Variants in NCR1 observed in about 807,000 individuals in gnomAD.
NCR1 encodes natural cytotoxicity triggering receptor 1, also known as NK cell-activating receptor.
In NCR1, 30 loss-of-function variants were observed where a neutral mutation model predicts 32.5. The ratio of observed to expected loss-of-function variants is 0.92; its 90% CI spans 0.69 to 1.25. The LOEUF (loss-of-function observed/expected upper bound fraction) is 1.25. Among genes scored for constraint, NCR1 ranks in the 50% most tolerant of loss-of-function variants. NCR1 has a pLI of 0.00. For missense variants in NCR1, 369 were observed against 380.7 expected (o/e 0.97, Z 0.26); for synonymous variants, 169 against 143.4 (o/e 1.18, Z -1.28).
chr19:54,934,681 T>A, the NCR1 span: 1 of 1,604,482 alleles, frequency 6.2e-7, no homozygotes, highest in Non-Finnish European at 8.5e-7. The surrounding 1 kb of genome is among the most constrained non-coding windows in gnomAD (Gnocchi z 6.7). Context: ...GTGGGAAAAG[T>A]CATTCTTCTG....
downstream of NCR1, among the ~76,000 whole-genome samples, chr19:54,919,244 G>C (rs687182): frequency 0.23 from 35,227 of 151,508 alleles, 4,114 homozygotes; most frequent in Non-Finnish European, 0.25. Context: ...AAGGCAGCTG[G>C]GCCCGGGGGA....
At chr19:54,917,008 C>T (rs1455202828), downstream of NCR1, among the ~76,000 whole-genome samples, 2 of 152,036 alleles carry the variant, frequency 1.3e-5, no homozygotes, top group Non-Finnish European at 2.9e-5. Flanking sequence ...AATGAGCTTC[C>T]TTCCTGGAAC....
the NCR1 span, chr19:54,936,129 C>T: frequency 2.5e-6 from 2 of 791,086 alleles, no homozygotes; most frequent in Non-Finnish European, 4.3e-6. Flanking sequence ...GACTCCCCCA[C>T]ACAGGCCTGT....
the NCR1 span, chr19:54,934,346 C>G: frequency 1.2e-6 from 1 of 839,762 alleles, no homozygotes; most frequent in Non-Finnish European, 2.1e-6. This position sits in a 1 kb window ranked among gnomAD's most constrained non-coding sequence, Gnocchi z 6.7. Flanking sequence ...AGATTACAGG[C>G]AGGAGCCACC....
the NCR1 span, among the ~76,000 whole-genome samples, chr19:54,933,230 C>T: frequency 2.0e-5 from 3 of 152,100 alleles, no homozygotes; most frequent in Non-Finnish European, 2.9e-5. Context: ...ACTGCAACCT[C>T]CGCCTTCCAG....
At chr19:54,917,048 T>G (rs148534010), downstream of NCR1, among the ~76,000 whole-genome samples, 11 of 152,068 alleles carry the variant, frequency 7.2e-5, no homozygotes, top group African/African-American at 2.6e-4. Context: ...CCCTTCTCAT[T>G]ATTGCTCCCC....
chr19:54,932,157 G>A, the NCR1 span, among the ~76,000 whole-genome samples: 2 of 152,274 alleles, frequency 1.3e-5, no homozygotes, highest in East Asian at 1.9e-4. Context: ...GCCAGGCACA[G>A]TGGCTCATGC....
the NCR1 span, among the ~76,000 whole-genome samples, chr19:54,926,073 A>T: frequency 1.3e-5 from 2 of 151,400 alleles, no homozygotes; most frequent in African/African-American, 2.4e-5. Context: ...AAAAAAAAAT[A>T]AAAAATACAA....
chr19:54,923,528 C>T, the NCR1 span: 2 of 623,476 alleles, frequency 3.2e-6, no homozygotes, highest in Non-Finnish European at 2.8e-6. Context: ...AGTGCTCTAA[C>T]TTTATTATCC....
chr19:54,898,761 G>A, the NCR1 span, among the ~76,000 whole-genome samples: 1 of 152,112 alleles, frequency 6.6e-6, no homozygotes, highest in African/African-American at 2.4e-5. Flanking sequence ...ATCTGATTTG[G>A]GAGAGGTCAG....
At chr19:54,903,470 A>G (rs587635221), upstream of NCR1, among the ~76,000 whole-genome samples, 7 of 133,044 alleles carry the variant, frequency 5.3e-5, no homozygotes, top group South Asian at 4.9e-4. Flanking sequence ...GTATGTATAC[A>G]CGGATACATG....
the NCR1 span, chr19:54,933,718 TGTAAGACGACA>T: frequency 5.6e-6 from 9 of 1,614,214 alleles, no homozygotes; most frequent in Non-Finnish European, 7.6e-6. Flanking sequence ...AACTGGCTTC[TGTAAGACGACA>T]GTTTTCCAAC....
At chr19:54,935,560 G>A in the NCR1 span, among the ~76,000 whole-genome samples, 3 of 148,882 alleles carry the variant, frequency 2.0e-5, no homozygotes, top group Admixed American at 6.7e-5. Context: ...GCCAGGCGTG[G>A]TGGTGCACGC....
chr19:54,924,658 GT>G, the NCR1 span, among the ~76,000 whole-genome samples: 1 of 151,624 alleles, frequency 6.6e-6, no homozygotes, highest in Non-Finnish European at 1.5e-5. Context: ...AATCAGGCTG[GT>G]GCACGGTGAC....
chr19:54,898,400 G>A, the NCR1 span, among the ~76,000 whole-genome samples: 2 of 152,184 alleles, frequency 1.3e-5, no homozygotes, highest in Admixed American at 6.5e-5. Context: ...CGGTTCAGGC[G>A]TTTGGAGTTC....
chr19:54,920,169 C>G (rs2068220281), downstream of NCR1, among the ~76,000 whole-genome samples: 1 of 152,198 alleles, frequency 6.6e-6, no homozygotes, highest in South Asian at 2.1e-4. Context: ...CCACAATCCA[C>G]TCATTATTCA....
At chr19:54,930,474 AAAG>A in the NCR1 span, 3 of 1,545,452 alleles carry the variant, frequency 1.9e-6, no homozygotes, top group Non-Finnish European at 2.7e-6. Flanking sequence ...AAAAAGAAAG[AAAG>A]AAGAAAAAGA....
At chr19:54,928,797 A>G in the NCR1 span, among the ~76,000 whole-genome samples, 1 of 117,472 alleles carries the variant, frequency 8.5e-6, no homozygotes, top group African/African-American at 3.1e-5. Context: ...GCCACTGTAG[A>G]AGCCTTTGGT....
chr19:54,926,039 G>A, the NCR1 span, among the ~76,000 whole-genome samples: 20 of 149,652 alleles, frequency 1.3e-4, no homozygotes, highest in African/African-American at 2.2e-4. Context: ...GACAGACTCC[G>A]TCTCAAAAAA....
Sources: allele counts gnomAD v4.1 joint callset (sites outside exome capture counted in the v4.1 genomes callset), GRCh38; gene constraint gnomAD v4.1.1; non-coding constraint Gnocchi (gnomAD v3.1); transcripts MANE v1.5; gene names NCBI Gene and HGNC (gene_info 2026-07-23, HGNC 2026-07-21).